The following CCDC93 variants were observed in gnomAD, a reference collection of about 807,000 sequenced individuals.
CCDC93 encodes coiled-coil domain-containing protein 93.
CCDC93 carries 61 observed loss-of-function variants against 108.2 expected under a neutral mutation model. That is an observed-to-expected ratio of 0.56 (90% CI 0.46 to 0.70). The LOEUF (loss-of-function observed/expected upper bound fraction) is 0.70, where lower values mean the gene tolerates loss of function less well. CCDC93 is among the 30% of genes least tolerant of loss of function. The probability of loss-of-function intolerance (pLI) is 0.00; values close to 1 mark genes in which losing one functional copy is unlikely to be tolerated. For synonymous variants in CCDC93, 276 were observed against 260.4 expected (o/e 1.06, Z -0.58); for missense variants, 685 against 764.2 (o/e 0.90, Z 1.22).
intron 11 of CCDC93, among the ~76,000 whole-genome samples, chr2:117,966,600 G>A (rs1261904546): frequency 6.6e-6 from 1 of 152,156 alleles, no homozygotes; most frequent in Non-Finnish European, 1.5e-5. Context: ...ATCATAAAGT[G>A]GAATAAAAAT....
intron 22 of CCDC93, chr2:117,931,370 C>A: frequency 2.3e-6 from 1 of 426,104 alleles, no homozygotes. Flanking sequence ...TTAACTGTTT[C>A]CATTTTTTTT....
chr2:117,947,550 T>A (rs1047160264), intron 15 of CCDC93, among the ~76,000 whole-genome samples: 1 of 152,210 alleles, frequency 6.6e-6, no homozygotes, highest in Non-Finnish European at 1.5e-5. Context: ...CAACAAAATA[T>A]ATTTTTGCAA....
At chr2:118,013,753 C>T (rs554862865) in intron 1 of CCDC93, among the ~76,000 whole-genome samples, 52 of 151,834 alleles carry the variant, frequency 3.4e-4, no homozygotes, top group Non-Finnish European at 6.6e-4. Flanking sequence ...TTTGTCCTCA[C>T]CCGCCCGCCG....
chr2:117,950,654 T>G (rs1679022712), intron 13 of CCDC93: 7 of 985,328 alleles, frequency 7.1e-6, no homozygotes, highest in African/African-American at 1.7e-5. Context: ...TTCTGCTTAC[T>G]CCTAACCTTG....
intron 8 of CCDC93, 70 bp from the exon 9 acceptor site, chr2:117,975,350 CA>C (rs754277723): frequency 1.1e-4 from 117 of 1,110,402 alleles, no homozygotes; most frequent in Non-Finnish European, 1.5e-4. Context: ...ACAATACTGA[CA>C]AGAGGCATGA....
chr2:117,970,631 A>G (rs1679730372), intron 11 of CCDC93, among the ~76,000 whole-genome samples: 1 of 152,220 alleles, frequency 6.6e-6, no homozygotes, highest in South Asian at 2.1e-4. Flanking sequence ...TATAGTCTAT[A>G]ACAGACAATT....
intron 22 of CCDC93, among the ~76,000 whole-genome samples, chr2:117,934,302 G>A (rs1487513407): frequency 6.6e-6 from 1 of 152,176 alleles, no homozygotes; most frequent in African/African-American, 2.4e-5. Flanking sequence ...CACCTGGGTT[G>A]TCAGAGGCTT....
chr2:117,997,354 T>C (rs1452629107), intron 4 of CCDC93: 1 of 152,208 alleles, frequency 6.6e-6, no homozygotes, highest in Non-Finnish European at 1.5e-5. Flanking sequence ...ATTCACTCCC[T>C]TTATTACTGA....
chr2:118,011,377 C>T lies in CCDC93; in HGVS notation c.42+2577G>A, dbSNP rs565345438. ...TCTCTGAAATGACCCTGGTCCAGTC[C>T]ATTAAGGATCCTGAAGATCAGCATT... On this transcript the variant is annotated intron_variant, in intron 1 of 23. Transcript: ENST00000376300. 1.2e-3 allele frequency among the ~76,000 whole-genome samples: 180 copies of T among 152,272 alleles called. 1 individual carries two copies. The highest frequency in any genetic ancestry group is 4.2e-3 in the African/African-American group (176 of 41,546).
intron 11 of CCDC93, among the ~76,000 whole-genome samples, chr2:117,964,375 C>T (rs961886603): frequency 6.6e-6 from 1 of 152,154 alleles, no homozygotes; most frequent in Non-Finnish European, 1.5e-5. Flanking sequence ...TGCTGTTGTT[C>T]CTTCCTCTCC....
intron 7 of CCDC93, 132 bp downstream of exon 7, chr2:117,985,837 C>A: frequency 1.7e-6 from 1 of 593,862 alleles, no homozygotes; most frequent in East Asian, 2.9e-5. Context: ...GAGAAAAGTC[C>A]CTGATGTTGG....
chr2:117,975,129 A>T, intron 9 of CCDC93, 59 bp downstream of exon 9: 1 of 1,447,768 alleles, frequency 6.9e-7, no homozygotes. Flanking sequence ...GGATAAGAGT[A>T]CGATTTCTCC....
intron 9 of CCDC93, 117 bp downstream of exon 9, chr2:117,975,071 G>T: frequency 9.6e-7 from 1 of 1,045,774 alleles, no homozygotes; most frequent in Non-Finnish European, 1.5e-6. Flanking sequence ...TGAAAGACCT[G>T]CTCACAGCAG....
intron 3 of CCDC93, among the ~76,000 whole-genome samples, chr2:118,005,999 A>G (rs1234297585): frequency 2.0e-5 from 3 of 152,218 alleles, no homozygotes; most frequent in Non-Finnish European, 4.4e-5. Context: ...TCACTGTGGC[A>G]GTCTTACCCC....
intron 11 of CCDC93, among the ~76,000 whole-genome samples, chr2:117,964,758 C>T (rs991747890): frequency 2.0e-5 from 3 of 152,070 alleles, no homozygotes; most frequent in Admixed American, 2.0e-4. Flanking sequence ...GTCACTATAC[C>T]CAAGTAATTT....
At chr2:117,975,343 A>G (rs893536017) in intron 8 of CCDC93, 63 bp from the exon 9 acceptor site, 1 of 1,189,428 alleles carries the variant, frequency 8.4e-7, no homozygotes, top group Non-Finnish European at 1.2e-6. Context: ...AGAAAGGACA[A>G]TACTGACAAG....
At chr2:118,010,835 T>C (rs1012415460) in intron 1 of CCDC93, among the ~76,000 whole-genome samples, 1 of 152,210 alleles carries the variant, frequency 6.6e-6, no homozygotes, top group African/African-American at 2.4e-5. Flanking sequence ...CACTGAGAAA[T>C]CACTTTCAAA....
At position 117,950,635 on chromosome 2, in the gene CCDC93, G is replaced by C. The variant is rs199880178; in HGVS notation, c.1069-1240C>G. On this transcript the variant is annotated intron_variant, in intron 13 of 23. Coordinates refer to ENST00000376300, the MANE Select transcript of CCDC93 (RefSeq NM_019044.5). ...GGGAAGCCTGGAATGAAAGGGTTCA[G>C]AGCGCTCATTCTGCTTACTCCTAAC... The C allele has an allele frequency of 9.4e-5, 93 of 985,458 alleles. No individual in the cohort carries two copies. The East Asian group carries it at 8.3e-3, about 88-fold the overall frequency. 61.0% of individuals were successfully genotyped at this position (985,458 alleles called of 1,614,324 possible). A position where few individuals can be genotyped will look rare whatever the true frequency, so the allele number is the denominator to read the frequency against.
chr2:117,983,017 G>GT (rs749439798), intron 7 of CCDC93, among the ~76,000 whole-genome samples: 12 of 152,280 alleles, frequency 7.9e-5, no homozygotes, highest in Admixed American at 2.0e-4. Flanking sequence ...AAGGTCACAT[G>GT]TTAGAACAGG....
Sources: gnomAD v4.1 joint callset for allele counts (sites outside exome capture counted in the v4.1 genomes callset) on GRCh38, gnomAD v4.1.1 for gene constraint, MANE v1.5 for transcripts, NCBI Gene and HGNC (gene_info 2026-07-23, HGNC 2026-07-21) for gene names.